The following CELSR2 variants were observed in gnomAD, a reference collection of about 807,000 sequenced individuals.
CELSR2 encodes the protein cadherin EGF LAG seven-pass G-type receptor 2.
Under a neutral mutation model 251.6 loss-of-function variants are expected in CELSR2, and 81 were observed. The observed-to-expected ratio is 0.32, with a 90% CI of 0.27 to 0.39. The LOEUF is 0.39. Ranked by LOEUF, CELSR2 falls within the 10% of genes least tolerant of loss-of-function variation. The probability of loss-of-function intolerance (pLI) is 1.00; values close to 1 mark genes in which losing one functional copy is unlikely to be tolerated. For missense variants in CELSR2, 3,365 were observed against 3,947.7 expected (o/e 0.85, Z 3.96); for synonymous variants, 1,721 against 1,670.5 (o/e 1.03, Z -0.74).
Position 109,261,730 on chromosome 1 carries a change from G to T in CELSR2, c.4298-78G>T, listed in dbSNP as rs1287230525. On this transcript the variant is annotated intron_variant, in intron 4 of 33. Coordinates refer to ENST00000271332, the MANE Select transcript of CELSR2 (RefSeq NM_001408.3). The surrounding 1 kb of genome is among the most constrained non-coding windows in gnomAD (Gnocchi z 4.8). ...ACTCTATCAGCCAAATCTGGGCCCA[G>T]CCCCAGCCACTGGCACCCCAAACCC... 5 of 1,545,066 alleles carry T rather than the reference G, an allele frequency of 3.2e-6. No individual in the cohort carries two copies. The Admixed American group carries it at 9.2e-5, about 28-fold the overall frequency.
rs942025314 is a variant in CELSR2 at position 109,250,037 on chromosome 1, C to T, written c.-43C>T. The T allele has an allele frequency of 1.1e-5, 14 of 1,289,016 alleles. No homozygotes were observed. In the East Asian group the frequency reaches 2.2e-4, roughly 20 times the overall value. The allele number at this position is 1,289,016 out of a possible 1,614,324, so 79.8% of individuals were successfully genotyped here. On this transcript the variant is annotated 5_prime_UTR_variant, in exon 1 of 34. Transcript: ENST00000271332. This position sits in a 1 kb window ranked among gnomAD's most constrained non-coding sequence, Gnocchi z 4.4. ...GGCCGGCAGGAGCCGGAGGAGGAGCCGCCGCCGCCGTTGACCCGGCCGCCG... is the reference window on the plus strand; with the variant it reads ...GGCCGGCAGGAGCCGGAGGAGGAGCTGCCGCCGCCGTTGACCCGGCCGCCG...
rs756506681 is a variant in CELSR2 at position 109,251,070 on chromosome 1, G to A, written c.991G>A (p.Gly331Arg). 5 of 1,613,480 alleles carry A rather than the reference G, an allele frequency of 3.1e-6. No individual in the cohort carries two copies. The highest frequency in any genetic ancestry group is 3.4e-6 in the Non-Finnish European group (4 of 1,179,930). The change falls in exon 1 of 34, where the codon GGG becomes AGG. Residue 331 changes from glycine to arginine, a missense_variant. Physicochemically the swap from Gly to Arg is moderately radical, Grantham distance 125. Around this residue, in one of 5 missense-constraint regions of CELSR2, gnomAD observed 704 missense variants for 784.1 expected, o/e 0.90. Coordinates refer to ENST00000271332, the MANE Select transcript of CELSR2 (RefSeq NM_001408.3). This position sits in a 1 kb window ranked among gnomAD's most constrained non-coding sequence, Gnocchi z 4.9. ...CAATATTCTGTACCGCCTGCTGGAG[G>A]GGTCTGGGGGCAGCCCCTCTGAAGT... Reference protein sequence around the residue: ...NANILYRLLEGSGGSPSEVFE... With the variant: ...NANILYRLLERSGGSPSEVFE...
Position 109,272,260 on chromosome 1 carries a change from T to C in CELSR2, c.7927-18T>C. 1 of 1,561,004 alleles carries C rather than the reference T, an allele frequency of 6.4e-7. No homozygotes were observed. Among genetic ancestry groups the C allele is most frequent in the Non-Finnish European group, 8.7e-7 (1 of 1,149,820 alleles). On this transcript the variant is annotated intron_variant, in intron 28 of 33. Coordinates refer to ENST00000271332, the MANE Select transcript of CELSR2 (RefSeq NM_001408.3). ...CCATCCCACTCCCCACTTACTGACC[T>C]CTCTGTTCCCTGCCTAGTCCTACAA...
At position 109,252,632 on chromosome 1, in the gene CELSR2, C is replaced by T. The variant is rs774815074; in HGVS notation, c.2553C>T (p.Phe851=). 6.2e-7 allele frequency: 1 copy of T among 1,613,838 alleles called. No individual in the cohort carries two copies. Among genetic ancestry groups the T allele is most frequent in the Non-Finnish European group, 8.5e-7 (1 of 1,180,046 alleles). Residue 851 remains phenylalanine, a synonymous_variant, in exon 1 of 34, where the codon TTC becomes TTT. Transcript: ENST00000271332. The surrounding 1 kb of genome is among the most constrained non-coding windows in gnomAD (Gnocchi z 4.8). ...ATTCTGGACTTAATGGCAGGGTCTT[C>T]TACACCTTCCAAGGAGGCGACGATG... ...DRDSGLNGRV[F]YTFQGGDDGD...
rs370610685 is a variant in CELSR2 at position 109,269,551 on chromosome 1, C to T, written c.6940C>T (p.Arg2314Trp). The change falls in exon 21 of 34, where the codon CGG (arginine) becomes TGG (tryptophan). Residue 2314 changes from arginine to tryptophan, a missense_variant. Coordinates refer to ENST00000271332, the MANE Select transcript of CELSR2 (RefSeq NM_001408.3). This position sits in a 1 kb window ranked among gnomAD's most constrained non-coding sequence, Gnocchi z 6.4. The stretch of plus-strand genomic sequence containing the variant: ...GTTCCGCCTGCTGGAGACAGAGGAG[C>T]GGACCAAGCCCATCTGTGTCTTCTG... ...VQFRLLETEE[R>W]TKPICVFWNH... 1 of 1,614,086 alleles carries T rather than the reference C, an allele frequency of 6.2e-7. No homozygotes were observed.
At chr1:109,258,352 C>G (rs565421701) in intron 1 of CELSR2, 80 bp from the exon 2 acceptor site, 1 of 1,018,466 alleles carries the variant, frequency 9.8e-7, no homozygotes, top group East Asian at 2.6e-5. Context: ...GAAAGGAGAG[C>G]CTTTCTTGGT....
chr1:109,255,460 T>C (rs1285651773), intron 1 of CELSR2, among the ~76,000 whole-genome samples: 1 of 152,216 alleles, frequency 6.6e-6, no homozygotes, highest in Non-Finnish European at 1.5e-5. Flanking sequence ...ATGGCTCCCC[T>C]GGAGGCTGAA....
In CELSR2 at chr1:109,263,147, C is replaced by T. The variant is rs1176648654; in HGVS notation, c.4714C>T (p.Pro1572Ser). Residue 1572 changes from proline to serine, a missense_variant, in exon 8 of 34, where the codon CCT becomes TCT. Pro to Ser is a moderately conservative substitution (Grantham distance 74). Transcript: ENST00000271332. ...CTGCCTTCTCTCCATTCCAGGCTGC[C>T]CTGCCAAGAAGAACGTGTGTGACAG... ...IANNGTVPGC[P>S]AKKNVCDSNT... The T allele has an allele frequency of 6.3e-7, 1 of 1,597,156 alleles. No homozygotes were observed. The highest frequency in any genetic ancestry group is 1.7e-5 in the Admixed American group (1 of 59,700).
intron 1 of CELSR2, 34 bp downstream of exon 1, chr1:109,253,423 GT>G: frequency 6.3e-7 from 1 of 1,590,816 alleles, no homozygotes. Flanking sequence ...TGGGGTGGGG[GT>G]AGCTCGCGGG....
rs375626699 is a variant in CELSR2 at position 109,251,615 on chromosome 1, T to C, written c.1536T>C (p.Ala512=). 1.4e-5 allele frequency: 23 copies of C among 1,613,736 alleles called. No homozygotes were observed. The African/African-American group carries it at 2.5e-4, about 18-fold the overall frequency. Residue 512 remains alanine (A), a synonymous_variant, in exon 1 of 34, where the codon GCT becomes GCC. Transcript: ENST00000271332. The surrounding 1 kb of genome is among the most constrained non-coding windows in gnomAD (Gnocchi z 4.9). ...TCTTCGTCAGCACCCCTTTCCAGGC[T>C]ACTGTCCTGGAGAGTGTCCCCTTAG... ...APIFVSTPFQ[A]TVLESVPLGY...
In CELSR2 at chr1:109,251,788, G is replaced by A. The variant is rs780159848; in HGVS notation, c.1709G>A (p.Arg570Gln). 1.4e-5 allele frequency: 23 copies of A among 1,613,936 alleles called. 1 individual carries two copies. Among genetic ancestry groups the A allele is most frequent in the South Asian group, 5.5e-5 (5 of 91,084 alleles). ...GWISVAAELD[R>Q]EEVDFYSFGV... Reference sequence around the variant, plus strand: ...ATCTCTGTGGCTGCTGAACTGGACCGGGAGGAAGTTGATTTCTACAGCTTT... The same window carrying A: ...ATCTCTGTGGCTGCTGAACTGGACCAGGAGGAAGTTGATTTCTACAGCTTT... The change falls in exon 1 of 34, where the codon CGG becomes CAG. Residue 570 changes from arginine to glutamine, a missense_variant. By Grantham distance (43) the Arg-to-Gln change is conservative. Transcript: ENST00000271332. The surrounding 1 kb of genome is among the most constrained non-coding windows in gnomAD (Gnocchi z 4.9).
In CELSR2 at chr1:109,270,454, T is replaced by G. The variant is rs1424348311; in HGVS notation, c.7337T>G (p.Leu2446Arg). The change falls in exon 24 of 34, where the codon CTG becomes CGG. Residue 2446 changes from leucine (L) to arginine (R), a missense_variant. By Grantham distance (102) the Leu-to-Arg change is moderately radical. Coordinates refer to ENST00000271332, the MANE Select transcript of CELSR2 (RefSeq NM_001408.3). ...PFACTVIAILLHFLYLCTFSW... is the reference protein window; with the variant it reads ...PFACTVIAILRHFLYLCTFSW... ...GCCTGCACAGTCATTGCCATCCTGC[T>G]GCACTTCCTGTACCTCTGCACCTTT... 1 of 1,614,234 alleles carries G rather than the reference T, an allele frequency of 6.2e-7. No individual in the cohort carries two copies. Among genetic ancestry groups the G allele is most frequent in the Admixed American group, 1.7e-5 (1 of 60,030 alleles).
chr1:109,267,454 A>G (rs1656231966), intron 15 of CELSR2, 94 bp from the exon 16 acceptor site: 5 of 1,146,754 alleles, frequency 4.4e-6, no homozygotes, highest in East Asian at 2.4e-5. Flanking sequence ...TCCCCGGCCC[A>G]TGAGGTGCTG....
Position 109,250,285 on chromosome 1 carries a change from C to T in CELSR2, c.206C>T (p.Thr69Ile). 1 of 1,613,202 alleles carries T rather than the reference C, an allele frequency of 6.2e-7. No homozygotes were observed. Among genetic ancestry groups the T allele is most frequent in the Non-Finnish European group, 8.5e-7 (1 of 1,179,950 alleles). The change falls in exon 1 of 34, where the codon ACC (threonine) becomes ATC (isoleucine). Residue 69 changes from threonine to isoleucine, a missense_variant. Physicochemically the swap from Thr to Ile is moderately conservative, Grantham distance 89. Around this residue, in one of 5 missense-constraint regions of CELSR2, gnomAD observed 704 missense variants for 784.1 expected, o/e 0.90. Coordinates refer to ENST00000271332, the MANE Select transcript of CELSR2 (RefSeq NM_001408.3). The surrounding 1 kb of genome is among the most constrained non-coding windows in gnomAD (Gnocchi z 4.4). ...PSSASNLWLY[T>I]SRCRDAGTEL... Reference sequence around the variant, plus strand: ...TCAGCGTCGAACCTCTGGCTCTACACCAGCCGCTGCAGGGATGCGGGCACT... The same window carrying T: ...TCAGCGTCGAACCTCTGGCTCTACATCAGCCGCTGCAGGGATGCGGGCACT...
At position 109,262,463 on chromosome 1, in the gene CELSR2, C is replaced by T. The variant is rs1557732096; in HGVS notation, c.4544+19C>T. On this transcript the variant is annotated intron_variant, in intron 6 of 33. Coordinates refer to ENST00000271332, the MANE Select transcript of CELSR2 (RefSeq NM_001408.3). The stretch of plus-strand genomic sequence containing the variant: ...GCAAGAAGTGAGCAGGGGAAAGGGC[C>T]AGGGATGGGGTGAAGTGAGGGCAGG... 4 of 1,611,002 alleles carry T rather than the reference C, an allele frequency of 2.5e-6. No homozygotes were observed. The highest frequency in any genetic ancestry group is 1.1e-5 in the South Asian group (1 of 91,040).
rs377747777 is a variant in CELSR2 at position 109,253,875 on chromosome 1, A to G, written c.3310+486A>G. ...CGGGAGCACAGGGCTGCCGCCACCC[A>G]GGGGTCAGGACCCTGTAGTCCTCTT... On this transcript the variant is annotated intron_variant, in intron 1 of 33. Transcript: ENST00000271332. Among the ~76,000 whole-genome samples the G allele has an allele frequency of 8.5e-5, 13 of 152,338 alleles. No homozygotes were observed. The East Asian group carries it at 1.3e-3, about 16-fold the overall frequency.
rs771008996 is a variant in CELSR2, at chr1:109,270,531, C to T, written c.7414C>T (p.Arg2472Cys). The change falls in exon 24 of 34, where the codon CGC (arginine) becomes TGC (cysteine). Residue 2472 changes from arginine to cysteine, a missense_variant. Coordinates refer to ENST00000271332, the MANE Select transcript of CELSR2 (RefSeq NM_001408.3). ...CCTGTACCGGGCACTCACTGAGGTG[C>T]GCGATGTCAACACCGGCCCCATGCG... ...LHLYRALTEV[R>C]DVNTGPMRFY... The T allele has an allele frequency of 6.2e-6, 10 of 1,614,038 alleles. No homozygotes were observed. Among genetic ancestry groups the T allele is most frequent in the South Asian group, 3.3e-5 (3 of 91,088 alleles).
In CELSR2 at chr1:109,251,204, C is replaced by T. The variant is rs1655676385; in HGVS notation, c.1125C>T (p.Asp375=). ...TAGAGGCAAGTGACCAGGGTCGGGA[C>T]CCGGGTCCTCGGAGTACCACAGCCG... ...LTVEASDQGR[D]PGPRSTTAAV... Residue 375 remains aspartate, a synonymous_variant, in exon 1 of 34, where the codon GAC becomes GAT. Transcript: ENST00000271332. This position sits in a 1 kb window ranked among gnomAD's most constrained non-coding sequence, Gnocchi z 4.9. 1.2e-6 allele frequency: 2 copies of T among 1,613,716 alleles called. No individual in the cohort carries two copies. The highest frequency in any genetic ancestry group is 2.7e-5 in the African/African-American group (2 of 74,898).
In CELSR2 at chr1:109,262,416, G is replaced by T. The variant is rs1369378067; in HGVS notation, c.4516G>T (p.Ala1506Ser). The T allele has an allele frequency of 4.3e-6, 7 of 1,613,952 alleles. No individual in the cohort carries two copies. Among genetic ancestry groups the T allele is most frequent in the African/African-American group, 4.0e-5 (3 of 74,930 alleles). ...TGTCCTGGGCAACTACTCCTGTGCT[G>T]CCCAGGGCACCCAGGGTGGCAGCAA... is the stretch of plus-strand genomic sequence containing the variant. ...GSVLGNYSCA[A>S]QGTQGGSKKS... The change falls in exon 6 of 34, where the codon GCC (alanine) becomes TCC (serine). Residue 1506 changes from alanine to serine, a missense_variant. Around this residue, in one of 5 missense-constraint regions of CELSR2, gnomAD observed 2,093 missense variants for 2,382.8 expected, o/e 0.88. Coordinates refer to ENST00000271332, the MANE Select transcript of CELSR2 (RefSeq NM_001408.3).
Sources: allele counts gnomAD v4.1 joint callset (sites outside exome capture counted in the v4.1 genomes callset), GRCh38; gene constraint gnomAD v4.1.1; regional missense constraint gnomAD v4.1.1; non-coding constraint Gnocchi (gnomAD v3.1); transcripts MANE v1.5; gene names NCBI Gene and HGNC (gene_info 2026-07-23, HGNC 2026-07-21).